Variants in QTGAL observed in about 807,000 individuals in gnomAD.
QTGAL encodes queuosine-tRNA galactosyltransferase, also known as BGnT-like protein 1.
the QTGAL span, among the ~76,000 whole-genome samples, chr17:82,971,535 G>A: frequency 6.6e-6 from 1 of 151,722 alleles, no homozygotes; most frequent in East Asian, 2.0e-4. Context: ...AGAAAGAAAG[G>A]CTGGGAAGGA....
chr17:83,032,224 G>A, the QTGAL span, among the ~76,000 whole-genome samples: 2 of 74,918 alleles, frequency 2.7e-5, no homozygotes. Flanking sequence ...GACCCAGACC[G>A]AGCTTGGGAG....
chr17:82,965,892 C>T, the QTGAL span: 55 of 830,326 alleles, frequency 6.6e-5, no homozygotes, highest in Non-Finnish European at 9.6e-5. Flanking sequence ...AGAGACTTCA[C>T]CACGGGGCCG....
chr17:82,964,255 CAAAAAAA>C, the QTGAL span, among the ~76,000 whole-genome samples: 1 of 72,466 alleles, frequency 1.4e-5, no homozygotes, highest in Admixed American at 1.9e-4. Context: ...GACCCTGTCT[CAAAAAAA>C]AAAAAAAAAA....
chr17:83,038,533 G>T, the QTGAL span, among the ~76,000 whole-genome samples: 25 of 152,180 alleles, frequency 1.6e-4, no homozygotes, highest in Non-Finnish European at 3.4e-4. Flanking sequence ...AACTATAAAA[G>T]ATGCAAAACT....
the QTGAL span, among the ~76,000 whole-genome samples, chr17:82,959,362 C>T: frequency 0.34 from 50,995 of 151,400 alleles, 8,797 homozygotes; most frequent in East Asian, 0.41. Context: ...TGTGTGTGCA[C>T]GTGAGTGCGT....
the QTGAL span, among the ~76,000 whole-genome samples, chr17:83,049,817 A>G: frequency 6.6e-6 from 1 of 152,150 alleles, no homozygotes; most frequent in Non-Finnish European, 1.5e-5. Context: ...ATGAAGCCCA[A>G]AACAAAAATT....
chr17:82,967,433 C>T, the QTGAL span, among the ~76,000 whole-genome samples: 1 of 152,068 alleles, frequency 6.6e-6, no homozygotes, highest in Non-Finnish European at 1.5e-5. Flanking sequence ...TGTCGTCCAT[C>T]CTGAGGAAGG....
At chr17:82,986,996 T>C in the QTGAL span, among the ~76,000 whole-genome samples, 59,911 of 152,104 alleles carry the variant, frequency 0.39, 12,391 homozygotes, top group African/African-American at 0.51. Flanking sequence ...GCCTTTCTCC[T>C]GCCCTGGAGT....
chr17:82,958,830 G>GGT, the QTGAL span, among the ~76,000 whole-genome samples: 94 of 109,180 alleles, frequency 8.6e-4, 1 homozygote, highest in South Asian at 4.3e-3. Flanking sequence ...GGGGGTGTAT[G>GGT]GTGTGTGTGT....
the QTGAL span, chr17:82,944,050 C>T: frequency 3.2e-4 from 48 of 152,350 alleles, no homozygotes; most frequent in African/African-American, 1.1e-3. Context: ...CTGGGATGCA[C>T]TGAGGATGGA....
At chr17:82,958,191 G>A in the QTGAL span, among the ~76,000 whole-genome samples, 3 of 152,238 alleles carry the variant, frequency 2.0e-5, no homozygotes, top group Admixed American at 6.5e-5. Context: ...AAAGCCCCAG[G>A]AGCTGGACGG....
chr17:83,014,493 C>T, the QTGAL span: 1 of 1,614,178 alleles, frequency 6.2e-7, no homozygotes, highest in Non-Finnish European at 8.5e-7. Flanking sequence ...GTTGCAGCCT[C>T]ACCCGCTGGG....
chr17:82,986,735 T>C, the QTGAL span, among the ~76,000 whole-genome samples: 1 of 152,230 alleles, frequency 6.6e-6, no homozygotes, highest in Non-Finnish European at 1.5e-5. Flanking sequence ...ATCCTTATAC[T>C]AAGGTTTCAG....
chr17:82,965,099 G>A, the QTGAL span, among the ~76,000 whole-genome samples: 2 of 141,490 alleles, frequency 1.4e-5, no homozygotes, highest in African/African-American at 5.6e-5. Flanking sequence ...GGACACGGAT[G>A]CCTGCAGGTG....
At chr17:82,972,450 T>C in the QTGAL span, among the ~76,000 whole-genome samples, 13 of 120,932 alleles carry the variant, frequency 1.1e-4, no homozygotes, top group African/African-American at 2.2e-4. Flanking sequence ...TAGAAGGACC[T>C]GGTGCTGACC....
the QTGAL span, chr17:82,945,390 C>G: frequency 2.0e-5 from 3 of 152,204 alleles, no homozygotes; most frequent in Non-Finnish European, 4.4e-5. Flanking sequence ...GCCTAACAGT[C>G]TCACATTTAG....
the QTGAL span, among the ~76,000 whole-genome samples, chr17:82,957,010 C>G: frequency 5.9e-5 from 9 of 152,228 alleles, no homozygotes; most frequent in African/African-American, 2.2e-4. Context: ...CCTAGACCCA[C>G]GAGGGACAGC....
At chr17:82,952,268 C>T in the QTGAL span, among the ~76,000 whole-genome samples, 1 of 152,176 alleles carries the variant, frequency 6.6e-6, no homozygotes. Context: ...GTGTGGCGTG[C>T]TTCTAGCTGT....
At chr17:83,028,392 C>T in the QTGAL span, among the ~76,000 whole-genome samples, 1 of 149,766 alleles carries the variant, frequency 6.7e-6, no homozygotes, top group East Asian at 2.0e-4. Flanking sequence ...GGCGAGGTGG[C>T]GGGCGCCTGT....
Sources: gnomAD v4.1 joint callset for allele counts (sites outside exome capture counted in the v4.1 genomes callset) on GRCh38, gnomAD v4.1.1 for gene constraint, MANE v1.5 for transcripts, NCBI Gene and HGNC (gene_info 2026-07-23, HGNC 2026-07-21) for gene names.